Variants in KLRD1 observed in about 807,000 individuals in gnomAD.
KLRD1 encodes killer cell lectin like receptor D1, also known as natural killer cells antigen CD94.
A neutral mutation model predicts 22.6 loss-of-function variants in KLRD1; 21 were observed. The ratio of observed to expected loss-of-function variants is 0.93; its 90% CI spans 0.66 to 1.34. KLRD1 has a LOEUF of 1.34. KLRD1 is among the 40% of genes most tolerant of loss of function. KLRD1 has a pLI of 0.00. For synonymous variants in KLRD1, 59 were observed against 71.1 expected, an observed-to-expected ratio of 0.83 and a Z score of 0.85; for missense variants, 183 against 208.6, an observed-to-expected ratio of 0.88 and a Z score of 0.76.
chr12:10,268,618 C>T (rs1949521472), intron 1 of KLRD1, among the ~76,000 whole-genome samples: 1 of 152,100 alleles, frequency 6.6e-6, no homozygotes, highest in Non-Finnish European at 1.5e-5. Flanking sequence ...CATATAATTT[C>T]AGTCGTTAAT....
rs1439294759 is a variant in KLRD1, at chr12:10,318,347, C to T, written c.*3554C>T. 1.3e-5 allele frequency: 2 copies of T among 152,120 alleles called. No homozygotes were observed. The highest frequency in any genetic ancestry group is 4.8e-5 in the African/African-American group (2 of 41,420). The allele number at this position is 152,120 out of a possible 1,614,324, so 9.4% of individuals were successfully genotyped here. On this transcript the variant is annotated 3_prime_UTR_variant, in exon 6 of 6. Transcript: ENST00000336164. Reference sequence around the variant, plus strand: ...TGATAGCTTCCATATGAGATAATTACAGATCTTGTCTCTGCTGTGTGACCA... The same window carrying T: ...TGATAGCTTCCATATGAGATAATTATAGATCTTGTCTCTGCTGTGTGACCA...
At position 10,318,116 on chromosome 12, in the gene KLRD1, T is replaced by C. The variant is rs1950270120; in HGVS notation, c.*3323T>C. The C allele has an allele frequency of 6.6e-6, 1 of 152,204 alleles. No homozygotes were observed. Among genetic ancestry groups the C allele is most frequent in the Admixed American group, 6.5e-5 (1 of 15,280 alleles). The allele number at this position is 152,204 out of a possible 1,614,324, so 9.4% of individuals were successfully genotyped here. On this transcript the variant is annotated 3_prime_UTR_variant, in exon 6 of 6. Transcript: ENST00000336164. ...GCCATATCAGTTAGTGACATCTGTA[T>C]TCTCATATTGCATGCATAAGAAAGT...
At chr12:10,244,657 C>T (rs1161630432) in intron 1 of KLRD1, among the ~76,000 whole-genome samples, 1 of 151,912 alleles carries the variant, frequency 6.6e-6, no homozygotes, top group East Asian at 1.9e-4. Context: ...GTGGTGGACG[C>T]CTGTAATCCC....
At chr12:10,284,815 C>G (rs1024321437) in intron 1 of KLRD1, among the ~76,000 whole-genome samples, 8 of 152,016 alleles carry the variant, frequency 5.3e-5, no homozygotes, top group African/African-American at 1.9e-4. Flanking sequence ...AATCCCGTCT[C>G]TACTAAAAAT....
At chr12:10,264,402 C>T (rs1050910825) in intron 1 of KLRD1, among the ~76,000 whole-genome samples, 1 of 152,126 alleles carries the variant, frequency 6.6e-6, no homozygotes, top group Non-Finnish European at 1.5e-5. Context: ...ATTCACTACA[C>T]TTAAACTATG....
chr12:10,261,365 C>A (rs915289809), intron 1 of KLRD1, among the ~76,000 whole-genome samples: 8 of 152,154 alleles, frequency 5.3e-5, no homozygotes, highest in Non-Finnish European at 1.0e-4. Flanking sequence ...AAGTAATAGT[C>A]ACATAGTAGA....
chr12:10,287,182 G>GT (rs947516822), intron 1 of KLRD1, among the ~76,000 whole-genome samples: 1 of 151,834 alleles, frequency 6.6e-6, no homozygotes, highest in African/African-American at 2.4e-5. Flanking sequence ...ATCTGTTTGT[G>GT]TTTTTTTGAT....
rs1274500444 is a variant in KLRD1, at chr12:10,327,204, A to T, written c.*12411A>T. 1 of 152,180 alleles carries T rather than the reference A, an allele frequency of 6.6e-6. No individual in the cohort carries two copies. Among genetic ancestry groups the T allele is most frequent in the Non-Finnish European group, 1.5e-5 (1 of 68,014 alleles). The allele number at this position is 152,180 out of a possible 1,614,324, so 9.4% of individuals were successfully genotyped here. A position where few individuals can be genotyped will look rare whatever the true frequency, so the allele number is the denominator to read the frequency against. ...TGCCACCCAAAGACCGTTTAACCAT[A>T]TTTGCAAAGTTTATTCCCAAGTTCT... is the stretch of plus-strand genomic sequence containing the variant. On this transcript the variant is annotated 3_prime_UTR_variant, in exon 6 of 6. Coordinates refer to ENST00000336164, the MANE Select transcript of KLRD1 (RefSeq NM_002262.5).
At chr12:10,266,186 A>C (rs1217043105) in intron 1 of KLRD1, among the ~76,000 whole-genome samples, 1 of 152,190 alleles carries the variant, frequency 6.6e-6, no homozygotes, top group African/African-American at 2.4e-5. Context: ...AAATTTATAC[A>C]TGTGTATGTG....
At chr12:10,241,108 CTT>C (rs1420872639) in intron 1 of KLRD1, among the ~76,000 whole-genome samples, 1 of 152,148 alleles carries the variant, frequency 6.6e-6, no homozygotes, top group Non-Finnish European at 1.5e-5. Context: ...TCTAGTGTCT[CTT>C]TTATGTAATG....
Position 10,293,848 on chromosome 12 carries a change from A to G in KLRD1, c.-100-14130A>G, listed in dbSNP as rs542735336. 3.7e-4 allele frequency among the ~76,000 whole-genome samples: 57 copies of G among 152,356 alleles called. 3 individuals are homozygous for G. In the South Asian group the frequency reaches 7.5e-3, roughly 20 times the overall value. On this transcript the variant is annotated intron_variant, in intron 1 of 5. Transcript: ENST00000544747. ...ACTGGGGAAACCCAACAGCAGGGACAAGGGAGGTCCCTAAGCTATTTTTGT... is the reference window on the plus strand; with the variant it reads ...ACTGGGGAAACCCAACAGCAGGGACGAGGGAGGTCCCTAAGCTATTTTTGT...
At chr12:10,291,667 C>G (rs1221464713) in intron 1 of KLRD1, among the ~76,000 whole-genome samples, 1 of 149,988 alleles carries the variant, frequency 6.7e-6, no homozygotes, top group African/African-American at 2.5e-5. Flanking sequence ...GATACACAAG[C>G]AGAACGTGCA....
intron 1 of KLRD1, among the ~76,000 whole-genome samples, chr12:10,289,635 A>G (rs1317207655): frequency 6.6e-6 from 1 of 152,124 alleles, no homozygotes; most frequent in African/African-American, 2.4e-5. Context: ...CACATGTGGA[A>G]TTGGTAGTTG....
At chr12:10,239,135 T>A (rs1949209875) in intron 1 of KLRD1, among the ~76,000 whole-genome samples, 1 of 152,214 alleles carries the variant, frequency 6.6e-6, no homozygotes, top group Non-Finnish European at 1.5e-5. Context: ...ACAAAAAAGA[T>A]GAGAAAATAT....
chr12:10,293,625 G>A (rs925000565), intron 1 of KLRD1, among the ~76,000 whole-genome samples: 3 of 152,146 alleles, frequency 2.0e-5, no homozygotes, highest in Non-Finnish European at 4.4e-5. Context: ...TGCAATAATA[G>A]TAAAAAAGTT....
chr12:10,318,031 G>A lies in KLRD1; in HGVS notation c.*3238G>A, dbSNP rs1950268090. 6.6e-6 allele frequency: 1 copy of A among 152,166 alleles called. No individual in the cohort carries two copies. The allele number at this position is 152,166 out of a possible 1,614,324, so 9.4% of individuals were successfully genotyped here. A position where few individuals can be genotyped will look rare whatever the true frequency, so the allele number is the denominator to read the frequency against. ...TTACCTCCTACCAGTTCCCTCACAT[G>A]ATACGTGAGGATTAGGGGCACTACA... On this transcript the variant is annotated 3_prime_UTR_variant, in exon 6 of 6. Transcript: ENST00000336164.
chr12:10,245,911 C>T (rs971451176), intron 1 of KLRD1, among the ~76,000 whole-genome samples: 1 of 152,162 alleles, frequency 6.6e-6, no homozygotes, highest in Non-Finnish European at 1.5e-5. Context: ...CCTCGGGCTC[C>T]AGACTTAAGT....
chr12:10,259,320 A>T (rs1350966587), intron 1 of KLRD1, among the ~76,000 whole-genome samples: 1 of 152,194 alleles, frequency 6.6e-6, no homozygotes. Flanking sequence ...CTCCATCATC[A>T]TCATAGTTAT....
chr12:10,244,181 T>A (rs1399586119), intron 1 of KLRD1, among the ~76,000 whole-genome samples: 9 of 152,050 alleles, frequency 5.9e-5, no homozygotes, highest in Admixed American at 5.9e-4. Flanking sequence ...TAGAAAAAAA[T>A]ATCTACGTCA....
Sources: gnomAD v4.1 joint callset for allele counts (sites outside exome capture counted in the v4.1 genomes callset) on GRCh38, gnomAD v4.1.1 for gene constraint, MANE v1.5 for transcripts, NCBI Gene and HGNC (gene_info 2026-07-23, HGNC 2026-07-21) for gene names.